IRAK2: variants seen among roughly 807,000 people sequenced by gnomAD.
IRAK2 encodes interleukin 1 receptor associated kinase 2.
Under a neutral mutation model 72.0 loss-of-function variants are expected in IRAK2, and 57 were observed. The ratio of observed to expected loss-of-function variants is 0.79; its 90% CI spans 0.64 to 0.99. The LOEUF is 0.99. Ranked by LOEUF, IRAK2 falls within the 50% of genes least tolerant of loss-of-function variation. The probability of loss-of-function intolerance (pLI) is 0.00; values close to 1 mark genes in which losing one functional copy is unlikely to be tolerated. For synonymous variants in IRAK2, 293 were observed against 312.7 expected (o/e 0.94, Z 0.67); for missense variants, 790 against 794.4 (o/e 0.99, Z 0.07).
intron 2 of IRAK2, among the ~76,000 whole-genome samples, chr3:10,186,412 C>T (rs1246978465): frequency 6.6e-6 from 1 of 151,748 alleles, no homozygotes; most frequent in East Asian, 1.9e-4. Context: ...CCAGCCTAGA[C>T]ACATCTTAAT....
rs199621015 is a variant in IRAK2 at position 10,222,748 on chromosome 3, C to T, written c.1126C>T (p.Arg376Trp). The change falls in exon 9 of 13, where the codon CGG (arginine) becomes TGG (tryptophan). Residue 376 changes from arginine (R) to tryptophan (W), a missense_variant. By Grantham distance (101) the Arg-to-Trp change is moderately radical (BLOSUM62 -3). Transcript: ENST00000256458. ...KYTMMKTHLLRTSAAYLPEDF... is the reference protein window; with the variant it reads ...KYTMMKTHLLWTSAAYLPEDF... The stretch of plus-strand genomic sequence containing the variant: ...CACCATGATGAAGACTCACCTGCTC[C>T]GGACGTCAGCCGCGTATCTGCCAGA... 62 of 1,614,220 alleles carry T rather than the reference C, an allele frequency of 3.8e-5. 1 individual carries two copies. The highest frequency in any genetic ancestry group is 2.0e-4 in the African/African-American group (15 of 75,050).
intron 2 of IRAK2, among the ~76,000 whole-genome samples, chr3:10,198,394 GATTGGGGCGTCTGCCCCTGGGGGA>G (rs1171490075): frequency 3.9e-5 from 6 of 152,226 alleles, no homozygotes; most frequent in African/African-American, 1.4e-4. Context: ...TTTGTCTGGG[GATTGGGGCGTCTGCCCCTGGGGGA>G]ATTGGGGCTG....
intron 2 of IRAK2, among the ~76,000 whole-genome samples, chr3:10,198,278 A>G (rs865898566): frequency 6.6e-6 from 1 of 152,228 alleles, no homozygotes; most frequent in Non-Finnish European, 1.5e-5. Context: ...GGACGAAGCC[A>G]CTCATCACCC....
At chr3:10,204,237 A>G (rs1411508933) in intron 3 of IRAK2, among the ~76,000 whole-genome samples, 3 of 152,232 alleles carry the variant, frequency 2.0e-5, no homozygotes, top group African/African-American at 7.2e-5. Flanking sequence ...GAAAGCTCAG[A>G]TAAGTGAGGC....
chr3:10,221,247 A>ATT (rs1697686290), intron 8 of IRAK2, among the ~76,000 whole-genome samples: 46 of 137,786 alleles, frequency 3.3e-4, no homozygotes, highest in African/African-American at 1.3e-3. Context: ...CAAAAAAAAA[A>ATT]ATTTTTTTTT....
At chr3:10,224,126 C>A (rs1043549487) in intron 9 of IRAK2, among the ~76,000 whole-genome samples, 2 of 152,098 alleles carry the variant, frequency 1.3e-5, no homozygotes, top group Non-Finnish European at 2.9e-5. Flanking sequence ...CACCTGAGGT[C>A]AGGAGTTCAA....
Position 10,211,000 on chromosome 3 carries a change from A to G in IRAK2, c.528+1308A>G, listed in dbSNP as rs572296436. On this transcript the variant is annotated intron_variant, in intron 4 of 12. Transcript: ENST00000256458. ...CAGCCTCCTGAGTAGCTGGGATTAC[A>G]TGCACATGCCAGCATGTTTGGCTAA... Among the ~76,000 whole-genome samples, 13 of 152,214 alleles carry G rather than the reference A, an allele frequency of 8.5e-5. No individual in the cohort carries two copies. In the East Asian group the frequency reaches 2.5e-3, roughly 29 times the overall value.
intron 3 of IRAK2, among the ~76,000 whole-genome samples, chr3:10,208,768 A>T (rs921491682): frequency 2.6e-5 from 4 of 151,908 alleles, no homozygotes; most frequent in African/African-American, 9.7e-5. Flanking sequence ...ATCTCAAAAA[A>T]AAAAAAGAAA....
chr3:10,164,996 C>T lies in IRAK2; in HGVS notation c.42C>T (p.Asp14=), dbSNP rs868091278. ...YIYQLPSWVL[D]DLCRNMDALS... ...ACCAGCTGCCCTCCTGGGTGCTGGA[C>T]GACCTGTGCCGCAACATGGACGCGC... The change falls in exon 1 of 13, where the codon GAC becomes GAT. Residue 14 remains aspartate (D), a synonymous_variant. Coordinates refer to ENST00000256458, the MANE Select transcript of IRAK2 (RefSeq NM_001570.4). 6.2e-7 allele frequency: 1 copy of T among 1,611,786 alleles called. No individual in the cohort carries two copies. The highest frequency in any genetic ancestry group is 1.7e-5 in the Admixed American group (1 of 59,998).
rs1402049012 is a variant in IRAK2, at chr3:10,242,874, A to T, written c.*646A>T. The T allele has an allele frequency of 6.6e-6, 1 of 152,274 alleles. No homozygotes were observed. The highest frequency in any genetic ancestry group is 2.4e-5 in the African/African-American group (1 of 41,532). The allele number at this position is 152,274 out of a possible 1,614,324, so 9.4% of individuals were successfully genotyped here. A position where few individuals can be genotyped will look rare whatever the true frequency, so the allele number is the denominator to read the frequency against. On this transcript the variant is annotated 3_prime_UTR_variant, in exon 13 of 13. Coordinates refer to ENST00000256458, the MANE Select transcript of IRAK2 (RefSeq NM_001570.4). Reference sequence around the variant, plus strand: ...CCTCTCTGGGCCTCAGGTTCTACAAATGCCAGACACCTAGCGAAGAGCTCT... The same window carrying T: ...CCTCTCTGGGCCTCAGGTTCTACAATTGCCAGACACCTAGCGAAGAGCTCT...
intron 1 of IRAK2, among the ~76,000 whole-genome samples, chr3:10,173,520 A>C (rs1182459479): frequency 6.6e-6 from 1 of 151,968 alleles, no homozygotes; most frequent in Non-Finnish European, 1.5e-5. Context: ...TCATGTCCCG[A>C]CTCTAAAGGG....
chr3:10,234,398 G>C (rs1195735099), intron 10 of IRAK2, 61 bp from the exon 11 acceptor site: 2 of 1,428,550 alleles, frequency 1.4e-6, no homozygotes, highest in Non-Finnish European at 2.0e-6. Context: ...AGTGGGGCGC[G>C]TGCGTTGGCT....
intron 7 of IRAK2, among the ~76,000 whole-genome samples, chr3:10,219,387 C>T (rs1046751333): frequency 1.3e-5 from 2 of 151,718 alleles, no homozygotes; most frequent in Non-Finnish European, 1.5e-5. Flanking sequence ...GGTGCAATCT[C>T]GGCTTACTGC....
intron 6 of IRAK2, among the ~76,000 whole-genome samples, 156 bp from the exon 7 acceptor site, chr3:10,216,778 C>T (rs907293114): frequency 2.0e-5 from 3 of 152,136 alleles, no homozygotes; most frequent in Admixed American, 1.3e-4. Flanking sequence ...TTCATCTTTC[C>T]ACCCTGGGGC....
intron 2 of IRAK2, among the ~76,000 whole-genome samples, 177 bp downstream of exon 2, chr3:10,178,197 CCTGTAA>C (rs1290484396): frequency 6.6e-6 from 1 of 152,176 alleles, no homozygotes; most frequent in Non-Finnish European, 1.5e-5. Context: ...GTGGCTCACG[CCTGTAA>C]TCCCAGCACT....
chr3:10,195,548 CAA>C (rs553829037), intron 2 of IRAK2, among the ~76,000 whole-genome samples: 47 of 125,506 alleles, frequency 3.7e-4, no homozygotes, highest in Non-Finnish European at 3.3e-4. Context: ...CACCCTGTCT[CAA>C]AAAAAAAAAA....
At chr3:10,233,273 A>G (rs1454146395) in intron 10 of IRAK2, among the ~76,000 whole-genome samples, 1 of 152,068 alleles carries the variant, frequency 6.6e-6, no homozygotes, top group African/African-American at 2.4e-5. Context: ...GCTGGTCTCG[A>G]ACTCCTGACC....
chr3:10,206,819 G>A (rs1053081396), intron 3 of IRAK2, among the ~76,000 whole-genome samples: 7 of 151,200 alleles, frequency 4.6e-5, no homozygotes, highest in African/African-American at 1.5e-4. Context: ...GCCTCCCAAA[G>A]CGCTGGGATT....
chr3:10,205,764 A>G (rs1697424903), intron 3 of IRAK2, among the ~76,000 whole-genome samples: 1 of 152,218 alleles, frequency 6.6e-6, no homozygotes, highest in Non-Finnish European at 1.5e-5. Flanking sequence ...CACAAGGCTG[A>G]ATACATAACA....
Sources: gnomAD v4.1 joint callset for allele counts (sites outside exome capture counted in the v4.1 genomes callset) on GRCh38, gnomAD v4.1.1 for gene constraint, MANE v1.5 for transcripts, NCBI Gene and HGNC (gene_info 2026-07-23, HGNC 2026-07-21) for gene names.